Variants in EGFLAM observed in about 807,000 individuals in gnomAD.
EGFLAM encodes the protein pikachurin.
EGFLAM carries 79 observed loss-of-function variants against 113.1 expected under a neutral mutation model. The observed-to-expected ratio is 0.70, with a 90% CI of 0.58 to 0.84. EGFLAM has a LOEUF of 0.84. EGFLAM is among the 40% of genes least tolerant of loss of function. The probability of loss-of-function intolerance (pLI) is 0.00; values close to 1 mark genes in which losing one functional copy is unlikely to be tolerated. For missense variants in EGFLAM, 1,265 were observed against 1,291.6 expected (o/e 0.98, Z 0.32); for synonymous variants, 504 against 487.6 (o/e 1.03, Z -0.44).
chr5:38,280,280 G>C (rs1560135), intron 1 of EGFLAM, among the ~76,000 whole-genome samples: 1 of 151,736 alleles, frequency 6.6e-6, no homozygotes, highest in African/African-American at 2.4e-5. Flanking sequence ...ATGTTCTGCC[G>C]TGCACTCACG....
intron 1 of EGFLAM, among the ~76,000 whole-genome samples, chr5:38,265,848 T>C (rs892686118): frequency 6.6e-6 from 1 of 152,224 alleles, no homozygotes; most frequent in Admixed American, 6.5e-5. Context: ...ACCTGCCTTT[T>C]TAAACAAGAA....
At chr5:38,450,747 C>G (rs1208350179) in intron 18 of EGFLAM, among the ~76,000 whole-genome samples, 1 of 152,208 alleles carries the variant, frequency 6.6e-6, no homozygotes, top group African/African-American at 2.4e-5. Flanking sequence ...CCCTCCTTTC[C>G]TCGAAGCTTC....
At chr5:38,309,107 A>T (rs1036192770) in intron 1 of EGFLAM, among the ~76,000 whole-genome samples, 1 of 152,080 alleles carries the variant, frequency 6.6e-6, no homozygotes, top group African/African-American at 2.4e-5. Flanking sequence ...AATGCTCAAA[A>T]CTCATCACTT....
chr5:38,276,146 CG>C (rs1561259200), intron 1 of EGFLAM, among the ~76,000 whole-genome samples: 1 of 152,024 alleles, frequency 6.6e-6, no homozygotes, highest in African/African-American at 2.4e-5. Flanking sequence ...ATATGGATGG[CG>C]GCAGTCAAAA....
At chr5:38,388,759 CAAA>C (rs35458918) in intron 6 of EGFLAM, among the ~76,000 whole-genome samples, 4 of 101,162 alleles carry the variant, frequency 4.0e-5, no homozygotes, top group Admixed American at 1.1e-4. Context: ...GACTCTGTCA[CAAA>C]AAAAAAAAAA....
chr5:38,422,092 A>G (rs1296883893), intron 12 of EGFLAM, among the ~76,000 whole-genome samples: 1 of 152,028 alleles, frequency 6.6e-6, no homozygotes, highest in Non-Finnish European at 1.5e-5. Flanking sequence ...GGGGTTGGGG[A>G]CAGGGAAGTT....
At chr5:38,385,270 T>TCC (rs1218977395) in intron 6 of EGFLAM, among the ~76,000 whole-genome samples, 35 of 30,762 alleles carry the variant, frequency 1.1e-3, no homozygotes, top group African/African-American at 2.2e-3. Flanking sequence ...AAGGACTGTT[T>TCC]CCCACCCACC....
chr5:38,262,556 T>C (rs1021761228), intron 1 of EGFLAM, among the ~76,000 whole-genome samples: 4 of 152,192 alleles, frequency 2.6e-5, no homozygotes, highest in African/African-American at 9.7e-5. Context: ...CTAACTTCTA[T>C]CCCTGTAGTT....
chr5:38,258,709 G>T lies in EGFLAM; in HGVS notation c.-46G>T. 1 of 1,571,628 alleles carries T rather than the reference G, an allele frequency of 6.4e-7. No homozygotes were observed. Among genetic ancestry groups the T allele is most frequent in the Non-Finnish European group, 8.6e-7 (1 of 1,156,546 alleles). Reference sequence around the variant, plus strand: ...ACGCGCCCCCGGAGACGCCCTTTCCGTGTGCGCCCGGGACTTGGTGAAACT... The same window carrying T: ...ACGCGCCCCCGGAGACGCCCTTTCCTTGTGCGCCCGGGACTTGGTGAAACT... On this transcript the variant is annotated 5_prime_UTR_variant, in exon 1 of 22. Coordinates refer to ENST00000322350, the MANE Select transcript of EGFLAM (RefSeq NM_152403.4).
chr5:38,419,092 A>T (rs181840011), intron 12 of EGFLAM, among the ~76,000 whole-genome samples: 141 of 152,214 alleles, frequency 9.3e-4, no homozygotes, highest in African/African-American at 3.3e-3. Flanking sequence ...TGCTCGTGGG[A>T]TCTTTCCTCC....
chr5:38,375,060 GTTT>G (rs74821426), intron 6 of EGFLAM, among the ~76,000 whole-genome samples: 36 of 107,728 alleles, frequency 3.3e-4, no homozygotes, highest in African/African-American at 7.5e-4. Context: ...CTCTGTTGTT[GTTT>G]TTTTTTTTTT....
chr5:38,448,380 G>GTAA lies in EGFLAM; in HGVS notation c.2543+5_2543+7dup. On this transcript the variant is annotated splice_donor_variant, in intron 18 of 21. Transcript: ENST00000322350. LOFTEE classifies it high-confidence loss of function. ...ATGACAACCCAGATATCTTGAAGAG[G>GTAA]TAATAAGCTTCAACAGGCACCTTCC... The GTAA allele has an allele frequency of 6.2e-7, 1 of 1,614,084 alleles. No individual in the cohort carries two copies.
chr5:38,439,518 T>C (rs527813118), intron 17 of EGFLAM, among the ~76,000 whole-genome samples: 8 of 152,180 alleles, frequency 5.3e-5, no homozygotes, highest in African/African-American at 1.9e-4. Context: ...AAATTACAGG[T>C]AGGTATGTTG....
At chr5:38,332,792 T>C (rs1739079996) in intron 1 of EGFLAM, among the ~76,000 whole-genome samples, 1 of 152,164 alleles carries the variant, frequency 6.6e-6, no homozygotes, top group African/African-American at 2.4e-5. Flanking sequence ...GGTTCAGGAG[T>C]GCCTTTAAGC....
intron 1 of EGFLAM, among the ~76,000 whole-genome samples, chr5:38,292,414 A>T (rs1263934629): frequency 6.6e-6 from 1 of 152,300 alleles, no homozygotes. Context: ...TAAAAGGAAA[A>T]CATTGAAAAA....
chr5:38,335,597 T>C (rs78010634), intron 1 of EGFLAM, among the ~76,000 whole-genome samples: 5,171 of 152,132 alleles, frequency 0.034, 123 homozygotes, highest in East Asian at 0.056. Flanking sequence ...GTCTAGCCAA[T>C]CAGATGAGAC....
chr5:38,406,019 T>C (rs983657327), intron 6 of EGFLAM, 107 bp from the exon 7 acceptor site: 36 of 857,796 alleles, frequency 4.2e-5, no homozygotes, highest in Middle Eastern at 2.8e-4. Context: ...ATGTTTCCAA[T>C]ACACTGCGTT....
At chr5:38,420,989 G>A (rs1741802215) in intron 12 of EGFLAM, among the ~76,000 whole-genome samples, 1 of 152,178 alleles carries the variant, frequency 6.6e-6, no homozygotes, top group South Asian at 2.1e-4. Context: ...GGTTATAAGA[G>A]TGGGGCTGAT....
intron 16 of EGFLAM, among the ~76,000 whole-genome samples, chr5:38,437,757 G>A (rs1043289230): frequency 3.3e-5 from 5 of 152,062 alleles, no homozygotes; most frequent in Non-Finnish European, 7.4e-5. Context: ...AGAGGAGCGC[G>A]TCACTCCGCA....
Sources: gnomAD v4.1 joint callset for allele counts (sites outside exome capture counted in the v4.1 genomes callset) on GRCh38, gnomAD v4.1.1 for gene constraint, MANE v1.5 for transcripts, NCBI Gene and HGNC (gene_info 2026-07-23, HGNC 2026-07-21) for gene names.